The following ARID5B variants were observed in gnomAD, a reference collection of about 807,000 sequenced individuals.
ARID5B encodes the protein AT-rich interactive domain-containing protein 5B.
In ARID5B, 13 loss-of-function variants were observed where a neutral mutation model predicts 97.2. The ratio of observed to expected loss-of-function variants is 0.13; its 90% CI spans 0.09 to 0.21. ARID5B has a LOEUF of 0.21. ARID5B is among the 10% of genes least tolerant of loss of function. The probability of loss-of-function intolerance (pLI) is 1.00; values close to 1 mark genes in which losing one functional copy is unlikely to be tolerated. For missense variants in ARID5B, 1,210 were observed against 1,465.3 expected, an observed-to-expected ratio of 0.83 and a Z score of 2.84; for synonymous variants, 556 against 570.3, an observed-to-expected ratio of 0.97 and a Z score of 0.36.
At chr10:62,034,745 C>T (rs1197107911) in intron 4 of ARID5B, among the ~76,000 whole-genome samples, 1 of 152,182 alleles carries the variant, frequency 6.6e-6, no homozygotes, top group Admixed American at 6.5e-5. Flanking sequence ...AGATCAATCT[C>T]CTATTTTATT....
chr10:62,024,567 T>A (rs1299087192), intron 4 of ARID5B: 2 of 373,570 alleles, frequency 5.4e-6, no homozygotes, highest in Non-Finnish European at 4.8e-6. Flanking sequence ...CTGATTGATA[T>A]TGACTACCAT....
chr10:61,903,561 G>T (rs1425126716), intron 2 of ARID5B, among the ~76,000 whole-genome samples: 1 of 152,238 alleles, frequency 6.6e-6, no homozygotes, highest in Non-Finnish European at 1.5e-5. Context: ...TTGCCAAAGC[G>T]AGAGCAGGGT....
rs918106982 is a variant in ARID5B, at chr10:62,000,431, A to G, written c.733+110A>G. On this transcript the variant is annotated intron_variant, in intron 4 of 9. Coordinates refer to ENST00000279873, the MANE Select transcript of ARID5B (RefSeq NM_032199.3). This position sits in a 1 kb window ranked among gnomAD's most constrained non-coding sequence, Gnocchi z 4.4. ...AACGGGGCTCACTTTCACAAGCCCC[A>G]TGTGCTGCCCCACCCCTCCCATCCC... 22 of 1,018,136 alleles carry G rather than the reference A, an allele frequency of 2.2e-5. No individual in the cohort carries two copies. Among genetic ancestry groups the G allele is most frequent in the Non-Finnish European group, 3.1e-5 (22 of 705,762 alleles). The allele number at this position is 1,018,136 out of a possible 1,614,324, so 63.1% of individuals were successfully genotyped here.
At position 62,093,651 on chromosome 10, in the gene ARID5B, C is replaced by CTT. The variant is rs57902062; in HGVS notation, c.*647_*648dup. On this transcript the variant is annotated 3_prime_UTR_variant, in exon 10 of 10. Transcript: ENST00000279873. ...CCATTTTCTCCCAGTTCCTTCTCGTCTTTTTTTTTTTTTTTTTTTTTTTTT... is the reference window on the plus strand; with the variant it reads ...CCATTTTCTCCCAGTTCCTTCTCGTCTTTTTTTTTTTTTTTTTTTTTTTTTTT... 322 of 86,790 alleles carry CTT rather than the reference C, an allele frequency of 3.7e-3. 10 individuals carry two copies. Among genetic ancestry groups the CTT allele is most frequent in the East Asian group, 9.6e-3 (76 of 7,892 alleles). The allele number at this position is 86,790 out of a possible 1,614,324, so 5.4% of individuals were successfully genotyped here. A position where few individuals can be genotyped will look rare whatever the true frequency, so the allele number is the denominator to read the frequency against.
At chr10:61,920,783 A>T (rs1844001145) in intron 2 of ARID5B, among the ~76,000 whole-genome samples, 1 of 152,214 alleles carries the variant, frequency 6.6e-6, no homozygotes, top group South Asian at 2.1e-4. Flanking sequence ...ATTAGGATGT[A>T]CCAGGGTACT....
Position 62,092,990 on chromosome 10 carries a change from C to A in ARID5B, c.3527C>A (p.Ser1176Tyr), listed in dbSNP as rs1340309576. 3.7e-6 allele frequency: 6 copies of A among 1,613,138 alleles called. No homozygotes were observed. The highest frequency in any genetic ancestry group is 1.7e-5 in the Admixed American group (1 of 60,014). ...AAINPQAAFP[S>Y]SQLSSVHPST... is the part of the protein sequence containing the mutation. ...ATAAATCCTCAAGCTGCCTTTCCAT[C>A]TTCCCAGCTGTCATCCGTGCACCCC... Residue 1176 changes from serine (S) to tyrosine (Y), a missense_variant, in exon 10 of 10, where the codon TCT becomes TAT. Physicochemically the swap from Ser to Tyr is moderately radical, Grantham distance 144 (BLOSUM62 -2). This residue lies in a region of ARID5B where 54 missense variants were observed against 67.4 expected (regional missense o/e 0.80). Transcript: ENST00000279873.
At chr10:61,947,256 A>G (rs370894240) in intron 3 of ARID5B, among the ~76,000 whole-genome samples, 1 of 122,220 alleles carries the variant, frequency 8.2e-6, no homozygotes, top group Admixed American at 7.9e-5. Context: ...CTTCTCACTT[A>G]CTTTCTTTTT....
chr10:62,092,083 A>G lies in ARID5B; in HGVS notation c.2620A>G (p.Arg874Gly). The change falls in exon 10 of 10, where the codon AGA becomes GGA. Residue 874 changes from arginine (R) to glycine (G), a missense_variant. Around this residue, in one of 8 missense-constraint regions of ARID5B, gnomAD observed 800 missense variants for 839.1 expected, o/e 0.95. Transcript: ENST00000279873. ...GGAAAACAGTTCTTTTCCTTCCCAC[A>G]GACACCAAGAAAAGCTCCATGTAAA... ...ESENSSFPSH[R>G]HQEKLHVNYL... The G allele has an allele frequency of 1.2e-6, 2 of 1,613,774 alleles. No individual in the cohort carries two copies. Among genetic ancestry groups the G allele is most frequent in the Non-Finnish European group, 8.5e-7 (1 of 1,179,924 alleles).
At chr10:62,001,107 A>G (rs954720403) in intron 4 of ARID5B, among the ~76,000 whole-genome samples, 1 of 152,210 alleles carries the variant, frequency 6.6e-6, no homozygotes, top group Non-Finnish European at 1.5e-5. Context: ...GCAAGCCAAG[A>G]TAGTCGTTCT....
chr10:61,949,792 A>G (rs1838297620), intron 3 of ARID5B, among the ~76,000 whole-genome samples: 1 of 152,254 alleles, frequency 6.6e-6, no homozygotes, highest in Non-Finnish European at 1.5e-5. Context: ...AAGATGAAAG[A>G]ATAAATTCAT....
chr10:62,040,644 CAT>C (rs1473617018), intron 4 of ARID5B, among the ~76,000 whole-genome samples: 7 of 152,022 alleles, frequency 4.6e-5, no homozygotes, highest in Non-Finnish European at 8.8e-5. Context: ...TAAAAAGAAA[CAT>C]GTGGAGTTAA....
At chr10:62,007,916 C>G (rs1245685174) in intron 4 of ARID5B, among the ~76,000 whole-genome samples, 2 of 152,152 alleles carry the variant, frequency 1.3e-5, no homozygotes, top group Admixed American at 6.5e-5. Flanking sequence ...CTGACCATCC[C>G]TCTTCCACAA....
chr10:62,006,167 C>T (rs901613108), intron 4 of ARID5B, among the ~76,000 whole-genome samples: 1 of 152,134 alleles, frequency 6.6e-6, no homozygotes, highest in Non-Finnish European at 1.5e-5. Flanking sequence ...CCAGGCTGGG[C>T]GTGGTGGTTC....
chr10:61,994,337 C>T (rs1400801612), intron 3 of ARID5B, among the ~76,000 whole-genome samples: 1 of 151,984 alleles, frequency 6.6e-6, no homozygotes, highest in Non-Finnish European at 1.5e-5. Context: ...GTTTCCGAAA[C>T]AAGCCTCCCC....
At chr10:61,945,410 G>A (rs563095411) in intron 3 of ARID5B, among the ~76,000 whole-genome samples, 1 of 152,078 alleles carries the variant, frequency 6.6e-6, no homozygotes, top group Non-Finnish European at 1.5e-5. Context: ...CATTGCTGCA[G>A]AGATAAAGTG....
chr10:62,034,098 G>T lies in ARID5B; in HGVS notation c.734-16790G>T, dbSNP rs147323049. Among the ~76,000 whole-genome samples the T allele has an allele frequency of 1.1e-3, 173 of 152,216 alleles. 9 individuals carry two copies. The East Asian group carries it at 0.032, about 28-fold the overall frequency. On this transcript the variant is annotated intron_variant, in intron 4 of 9. Transcript: ENST00000279873. ...TTTGCATGAGGCTATGTTTAATTTC[G>T]GGATGTCGTCCTTTTCTGGTGAAGA...
In ARID5B at chr10:62,000,028, A is replaced by C; in HGVS notation, c.503-63A>C. The C allele has an allele frequency of 1.1e-5, 16 of 1,417,434 alleles. No homozygotes were observed. Among genetic ancestry groups the C allele is most frequent in the Non-Finnish European group, 1.4e-5 (14 of 1,004,400 alleles). 87.8% of individuals were successfully genotyped at this position (1,417,434 alleles called of 1,614,324 possible). ...CAGAAGTGATTATTGAAATTATACC[A>C]TGGCCATGAAAGTTCTTTGTCAGAG... On this transcript the variant is annotated intron_variant, in intron 3 of 9. Transcript: ENST00000279873. The surrounding 1 kb of genome is among the most constrained non-coding windows in gnomAD (Gnocchi z 4.4).
chr10:62,034,861 TGGGGTTCCTTAAAAAAGGAATCCTCACCA>T (rs1287002130), intron 4 of ARID5B, among the ~76,000 whole-genome samples: 2 of 152,208 alleles, frequency 1.3e-5, no homozygotes, highest in Non-Finnish European at 2.9e-5. Context: ...TCTGCAGAGA[TGGGGTTCCTTAAAAAAGGAATCCTCACCA>T]GGCAGTCTGC....
chr10:61,973,852 T>C (rs10740056), intron 3 of ARID5B, among the ~76,000 whole-genome samples: 151,830 of 152,358 alleles, frequency 1, 75,655 homozygotes, highest in East Asian at 1. Flanking sequence ...ACAAATAGTT[T>C]GAAGATGTAA....
Sources: allele counts gnomAD v4.1 joint callset (sites outside exome capture counted in the v4.1 genomes callset), GRCh38; gene constraint gnomAD v4.1.1; regional missense constraint gnomAD v4.1.1; non-coding constraint Gnocchi (gnomAD v3.1); transcripts MANE v1.5; gene names NCBI Gene and HGNC (gene_info 2026-07-23, HGNC 2026-07-21).